Variants in CFAP299 observed in about 807,000 individuals in gnomAD.
CFAP299 encodes the protein cilia- and flagella-associated protein 299.
A neutral mutation model predicts 27.0 loss-of-function variants in CFAP299; 21 were observed. The observed-to-expected ratio is 0.78, with a 90% CI of 0.55 to 1.12. The LOEUF is 1.12. Among genes scored for constraint, CFAP299 ranks in the 50% most tolerant of loss-of-function variants. The pLI, the probability that CFAP299 is intolerant of heterozygous loss-of-function variation, is 0.00. For missense variants in CFAP299, 310 were observed against 276.6 expected, an observed-to-expected ratio of 1.12 and a Z score of -0.86; for synonymous variants, 104 against 98.1, an observed-to-expected ratio of 1.06 and a Z score of -0.36.
intron 3 of CFAP299, among the ~76,000 whole-genome samples, chr4:80,669,131 G>GTCTT (rs765634015): frequency 2.2e-5 from 1 of 46,174 alleles, no homozygotes; most frequent in African/African-American, 1.0e-4. Flanking sequence ...TTTCTTTTCT[G>GTCTT]TCTTTCTTTC....
At chr4:80,716,231 G>C (rs1722472104) in intron 3 of CFAP299, among the ~76,000 whole-genome samples, 3 of 151,938 alleles carry the variant, frequency 2.0e-5, no homozygotes, top group Admixed American at 2.0e-4. Context: ...CTTCCATGTG[G>C]ATATCTTGCT....
At chr4:80,532,752 C>T (rs988896564) in intron 2 of CFAP299, among the ~76,000 whole-genome samples, 1 of 150,254 alleles carries the variant, frequency 6.7e-6, no homozygotes, top group Non-Finnish European at 1.5e-5. Context: ...ATTTATAAAT[C>T]TCTGTGTTAT....
At chr4:80,473,762 T>C (rs1048824920) in intron 2 of CFAP299, among the ~76,000 whole-genome samples, 3 of 152,082 alleles carry the variant, frequency 2.0e-5, no homozygotes, top group African/African-American at 4.8e-5. Context: ...TGTTTGTTTT[T>C]TAAATTTTTT....
chr4:80,732,671 G>A (rs906749814), intron 3 of CFAP299, among the ~76,000 whole-genome samples: 6 of 151,950 alleles, frequency 3.9e-5, no homozygotes, highest in Non-Finnish European at 7.4e-5. Context: ...ACTCTTTCCT[G>A]GGTCCTCCAC....
intron 3 of CFAP299, among the ~76,000 whole-genome samples, chr4:80,685,989 T>G (rs954406682): frequency 6.6e-6 from 1 of 152,318 alleles, no homozygotes; most frequent in Non-Finnish European, 1.5e-5. Context: ...ATATTTCATC[T>G]TCTTGTGGGA....
intron 3 of CFAP299, chr4:80,608,451 A>G (rs1430594719): frequency 1.1e-6 from 1 of 901,850 alleles, no homozygotes; most frequent in African/African-American, 1.6e-5. Flanking sequence ...TCCTACATAT[A>G]TACTCCACTC....
intron 3 of CFAP299, among the ~76,000 whole-genome samples, chr4:80,731,703 A>G (rs2110056002): frequency 6.6e-6 from 1 of 152,248 alleles, no homozygotes. Context: ...ATAGTATGTG[A>G]CCTTACATTT....
chr4:80,447,368 C>T (rs1480253409), intron 2 of CFAP299, among the ~76,000 whole-genome samples: 15 of 151,334 alleles, frequency 9.9e-5, no homozygotes, highest in Admixed American at 9.2e-4. Flanking sequence ...ATCTCCTGAC[C>T]TCGTGATCCG....
At chr4:80,943,672 A>G (rs935739847) in intron 4 of CFAP299, among the ~76,000 whole-genome samples, 1 of 152,132 alleles carries the variant, frequency 6.6e-6, no homozygotes, top group Non-Finnish European at 1.5e-5. Context: ...AAGTGTAAAT[A>G]TATTGAGGAT....
intron 3 of CFAP299, among the ~76,000 whole-genome samples, chr4:80,653,608 GA>G (rs1242343378): frequency 6.6e-6 from 1 of 151,892 alleles, no homozygotes; most frequent in Non-Finnish European, 1.5e-5. Context: ...TAAAGTGTAT[GA>G]AAAAAACATA....
rs1343039521 is a variant in CFAP299, at chr4:80,870,129, A to T, written c.470A>T (p.Asp157Val). 1.2e-6 allele frequency: 2 copies of T among 1,603,210 alleles called. No individual in the cohort carries two copies. Among genetic ancestry groups the T allele is most frequent in the African/African-American group, 2.7e-5 (2 of 74,136 alleles). ...GKKRLLPRPTDISFYNWDADI... is the reference protein window; with the variant it reads ...GKKRLLPRPTVISFYNWDADI... ...AAAAGACTTCTTCCAAGGCCTACAG[A>T]TATAAGGTAAATTACATACAATTTT... is the stretch of plus-strand genomic sequence containing the variant. The change falls in exon 4 of 6, where the codon GAT becomes GTT. Residue 157 changes from aspartate to valine, a missense_variant. Transcript: ENST00000358105.
chr4:80,716,918 T>A (rs952936474), intron 3 of CFAP299, among the ~76,000 whole-genome samples: 12 of 152,098 alleles, frequency 7.9e-5, no homozygotes, highest in African/African-American at 2.2e-4. Context: ...TGAAGGAATG[T>A]GTTTTCTGAT....
chr4:80,786,693 G>A (rs1223498557), intron 3 of CFAP299, among the ~76,000 whole-genome samples: 2 of 152,012 alleles, frequency 1.3e-5, no homozygotes, highest in Non-Finnish European at 2.9e-5. Flanking sequence ...TCCTATCAAG[G>A]CAATCACTAA....
At chr4:80,443,491 T>G (rs889215935) in intron 2 of CFAP299, among the ~76,000 whole-genome samples, 2 of 152,194 alleles carry the variant, frequency 1.3e-5, no homozygotes, top group African/African-American at 4.8e-5. Context: ...CCCTTCATGC[T>G]AAAAGCACTC....
rs564197121 is a variant in CFAP299, at chr4:80,695,184, T to C, written c.333+112001T>C. Among the ~76,000 whole-genome samples the C allele has an allele frequency of 3.9e-5, 6 of 152,340 alleles. No homozygotes were observed. The South Asian group carries it at 1.2e-3, about 32-fold the overall frequency. ...GTCCACATCTCATCCTTCATTTGGA[T>C]AAAGATTTGATACTTTGTTAAATAA... On this transcript the variant is annotated intron_variant, in intron 3 of 5. Transcript: ENST00000358105.
intron 2 of CFAP299, among the ~76,000 whole-genome samples, chr4:80,413,431 C>A (rs1017850520): frequency 5.9e-5 from 9 of 152,182 alleles, no homozygotes; most frequent in African/African-American, 1.7e-4. Context: ...TAGACAGAAA[C>A]TAACACCTGC....
chr4:80,954,997 C>CAAAAAAAAAA (rs758937079), intron 5 of CFAP299, among the ~76,000 whole-genome samples: 1 of 50,288 alleles, frequency 2.0e-5, no homozygotes, highest in Admixed American at 2.5e-4. Context: ...AAGACTCCAT[C>CAAAAAAAAAA]AAAAAAAAAA....
At chr4:80,562,799 A>G in intron 2 of CFAP299, among the ~76,000 whole-genome samples, 1 of 151,792 alleles carries the variant, frequency 6.6e-6, no homozygotes, top group East Asian at 1.9e-4. Flanking sequence ...TGCCTACAAG[A>G]AACGTACTTT....
chr4:80,410,666 G>T (rs780931775), intron 2 of CFAP299, among the ~76,000 whole-genome samples: 46 of 152,316 alleles, frequency 3.0e-4, no homozygotes, highest in Non-Finnish European at 5.4e-4. Context: ...GATCATTCAA[G>T]AAATTATAAC....
Sources: allele counts gnomAD v4.1 joint callset (sites outside exome capture counted in the v4.1 genomes callset), GRCh38; gene constraint gnomAD v4.1.1; transcripts MANE v1.5; gene names NCBI Gene and HGNC (gene_info 2026-07-23, HGNC 2026-07-21).